Variants in BTBD9 observed in about 807,000 individuals in gnomAD.
The protein encoded by BTBD9 is BTB domain containing 9.
BTBD9 carries 49 observed loss-of-function variants against 64.3 expected under a neutral mutation model. The ratio of observed to expected loss-of-function variants is 0.76; its 90% CI spans 0.61 to 0.97. The LOEUF is 0.97. Among genes scored for constraint, BTBD9 ranks in the 50% least tolerant of loss-of-function variants. The pLI, the probability that BTBD9 is intolerant of heterozygous loss-of-function variation, is 0.00. For missense variants in BTBD9, 598 were observed against 762.1 expected (o/e 0.78, Z 2.53); for synonymous variants, 260 against 274.7 (o/e 0.95, Z 0.53).
intron 6 of BTBD9, among the ~76,000 whole-genome samples, chr6:38,504,858 A>T (rs1302563221): frequency 6.6e-6 from 1 of 152,210 alleles, no homozygotes; most frequent in Non-Finnish European, 1.5e-5. Context: ...CTTCAAAAGA[A>T]TGAATTAGGT....
At chr6:38,175,284 A>G in intron 10 of BTBD9, 102 bp from the exon 11 acceptor site, 1 of 1,252,728 alleles carries the variant, frequency 8.0e-7, no homozygotes, top group South Asian at 1.3e-5. Context: ...GGGGGCCACC[A>G]CGAGGGAGTT....
chr6:38,217,763 C>T (rs1326719963), intron 9 of BTBD9, among the ~76,000 whole-genome samples: 1 of 151,432 alleles, frequency 6.6e-6, no homozygotes, highest in Non-Finnish European at 1.5e-5. Flanking sequence ...CTTCACTGGC[C>T]GCATGGCCTT....
chr6:38,372,185 T>A (rs58807047), intron 6 of BTBD9, among the ~76,000 whole-genome samples: 29,834 of 152,168 alleles, frequency 0.2, 3,799 homozygotes, highest in East Asian at 0.48. Flanking sequence ...AATTTTTAGA[T>A]GCACCTCAGC....
chr6:38,601,748 G>C (rs1777248145), intron 1 of BTBD9, among the ~76,000 whole-genome samples: 1 of 151,514 alleles, frequency 6.6e-6, no homozygotes, highest in South Asian at 2.1e-4. Context: ...GAAACAAAGA[G>C]GCAAAAAAAT....
At chr6:38,466,970 G>A (rs1029174201) in intron 6 of BTBD9, among the ~76,000 whole-genome samples, 1 of 152,118 alleles carries the variant, frequency 6.6e-6, no homozygotes, top group African/African-American at 2.4e-5. Context: ...CAAAATTCAA[G>A]TGCAATTAAC....
chr6:38,239,455 A>AT (rs1232898406), intron 9 of BTBD9, among the ~76,000 whole-genome samples: 16 of 151,706 alleles, frequency 1.1e-4, no homozygotes, highest in African/African-American at 3.1e-4. Flanking sequence ...AAAAAAAAAA[A>AT]AAAAAGATAT....
At position 38,431,619 on chromosome 6, in the gene BTBD9, T is replaced by A. The variant is rs373298581; in HGVS notation, c.1155-86526A>T. ...AACAAAAAAATTCTCTCCTAATCTC[T>A]ATCTACTCTGTCAGCAAATTCTGAA... is the stretch of plus-strand genomic sequence containing the variant. On this transcript the variant is annotated intron_variant, in intron 6 of 10. Coordinates refer to ENST00000481247, the MANE Select transcript of BTBD9 (RefSeq NM_001099272.2). Among the ~76,000 whole-genome samples the A allele has an allele frequency of 7.0e-4, 105 of 150,144 alleles. 2 individuals are homozygous for A. In the South Asian group the frequency reaches 0.011, roughly 16 times the overall value.
chr6:38,567,974 G>A (rs1012663026), intron 6 of BTBD9, among the ~76,000 whole-genome samples: 1 of 152,158 alleles, frequency 6.6e-6, no homozygotes, highest in Non-Finnish European at 1.5e-5. Context: ...ATTTTAGAGA[G>A]CTAAAGAGAT....
At chr6:38,626,205 T>G (rs1778162016) in intron 1 of BTBD9, among the ~76,000 whole-genome samples, 1 of 152,222 alleles carries the variant, frequency 6.6e-6, no homozygotes, top group Non-Finnish European at 1.5e-5. Context: ...TATACATTTA[T>G]GGGGTACATG....
intron 1 of BTBD9, among the ~76,000 whole-genome samples, chr6:38,622,572 G>A (rs191555161): frequency 6.3e-4 from 96 of 152,208 alleles, no homozygotes; most frequent in African/African-American, 2.2e-3. Context: ...AATAGGATAC[G>A]CAATCCAGCT....
At chr6:38,513,805 C>T (rs1772886516) in intron 6 of BTBD9, among the ~76,000 whole-genome samples, 1 of 152,108 alleles carries the variant, frequency 6.6e-6, no homozygotes, top group African/African-American at 2.4e-5. Flanking sequence ...GCTGTCTGTG[C>T]GTACCAGTGC....
chr6:38,345,395 T>C (rs1764240358), intron 6 of BTBD9, among the ~76,000 whole-genome samples: 1 of 152,248 alleles, frequency 6.6e-6, no homozygotes, highest in Non-Finnish European at 1.5e-5. Flanking sequence ...GTCAGTCAGG[T>C]ACATGACCGT....
intron 6 of BTBD9, among the ~76,000 whole-genome samples, chr6:38,393,971 C>T (rs1427379427): frequency 6.6e-6 from 1 of 152,138 alleles, no homozygotes; most frequent in Non-Finnish European, 1.5e-5. Context: ...GATGAGGGCA[C>T]AGTTCTCTAG....
chr6:38,330,572 A>T lies in BTBD9; in HGVS notation c.1264+14412T>A, dbSNP rs879756889. On this transcript the variant is annotated intron_variant, in intron 7 of 10. Coordinates refer to ENST00000481247, the MANE Select transcript of BTBD9 (RefSeq NM_001099272.2). Reference sequence around the variant, plus strand: ...TTAGAGACGCCATCTCTAAAAAAAAATTTTTTTTAATGAAACTTGACAAGC... The same window carrying T: ...TTAGAGACGCCATCTCTAAAAAAAATTTTTTTTTAATGAAACTTGACAAGC... Among the ~76,000 whole-genome samples, 715 of 152,074 alleles carry T rather than the reference A, an allele frequency of 4.7e-3. 2 individuals are homozygous for T. Among genetic ancestry groups the T allele is most frequent in the Non-Finnish European group, 8.1e-3 (551 of 67,940 alleles).
chr6:38,342,605 A>AC (rs1433346227), intron 7 of BTBD9, among the ~76,000 whole-genome samples: 1 of 151,402 alleles, frequency 6.6e-6, no homozygotes, highest in African/African-American at 2.4e-5. Context: ...TCTTAGTTTT[A>AC]CTTTTTTTCC....
chr6:38,301,497 T>G (rs1397819866), intron 7 of BTBD9, among the ~76,000 whole-genome samples: 3 of 152,196 alleles, frequency 2.0e-5, no homozygotes, highest in Non-Finnish European at 2.9e-5. Context: ...TCCTGGACTT[T>G]TTTTGGTTGG....
chr6:38,473,474 C>T (rs1407393313), intron 6 of BTBD9, among the ~76,000 whole-genome samples: 1 of 152,150 alleles, frequency 6.6e-6, no homozygotes, highest in Admixed American at 6.6e-5. Context: ...TTGCCTATTT[C>T]TGTCAGTGCT....
chr6:38,356,406 G>C (rs1764730087), intron 6 of BTBD9, among the ~76,000 whole-genome samples: 1 of 151,690 alleles, frequency 6.6e-6, no homozygotes, highest in Non-Finnish European at 1.5e-5. Context: ...CCATATTTTT[G>C]TCATCTTGTT....
chr6:38,350,443 T>C (rs923972288), intron 6 of BTBD9, among the ~76,000 whole-genome samples: 6 of 152,242 alleles, frequency 3.9e-5, no homozygotes, highest in Non-Finnish European at 8.8e-5. Flanking sequence ...AGCCTACCTG[T>C]GGTTACAGTT....
Sources: gnomAD v4.1 joint callset for allele counts (sites outside exome capture counted in the v4.1 genomes callset) on GRCh38, gnomAD v4.1.1 for gene constraint, MANE v1.5 for transcripts, NCBI Gene and HGNC (gene_info 2026-07-23, HGNC 2026-07-21) for gene names.